The following CREBZF variants were observed in gnomAD, a reference collection of about 807,000 sequenced individuals.
CREBZF encodes HCF-binding transcription factor Zhangfei.
Under a neutral mutation model 21.1 loss-of-function variants are expected in CREBZF, and 8 were observed. The ratio of observed to expected loss-of-function variants is 0.38; its 90% CI spans 0.22 to 0.68. CREBZF has a LOEUF of 0.68. CREBZF is among the 30% of genes least tolerant of loss of function. CREBZF has a pLI of 0.51. For synonymous variants in CREBZF, 270 were observed against 223.3 expected, an observed-to-expected ratio of 1.21 and a Z score of -1.86; for missense variants, 518 against 484.3, an observed-to-expected ratio of 1.07 and a Z score of -0.65.
At position 85,675,688 on chromosome 11, in the gene CREBZF, C is replaced by G. The variant is rs373623986; in HGVS notation, n.147+7029G>C. Among the ~76,000 whole-genome samples the G allele has an allele frequency of 8.8e-4, 134 of 152,074 alleles. 2 individuals are homozygous for G. Among genetic ancestry groups the G allele is most frequent in the African/African-American group, 3.2e-3 (132 of 41,454 alleles). ...TGCTCAACTTATGGTTGCCACAAAC[C>G]TTCGATTTGTAAAAAATGCCATATA... On this transcript the variant is annotated intron_variant and non_coding_transcript_variant, in intron 1 of 3. Coordinates refer to the CREBZF transcript ENST00000531515.
Position 85,664,964 on chromosome 11 carries a change from CCCG to C in CREBZF, c.-92_-90del. ...ATCCCAGGCCCCAGGGCGGGTAGCC[CCCG>C]GCACTGGCCGAAACGAAATGCAGGG... On this transcript the variant is annotated 5_prime_UTR_variant, in exon 1 of 1. Transcript: ENST00000527447. This position sits in a 1 kb window ranked among gnomAD's most constrained non-coding sequence, Gnocchi z 5.5. 2 of 951,274 alleles carry C rather than the reference CCCG, an allele frequency of 2.1e-6. No individual in the cohort carries two copies. The highest frequency in any genetic ancestry group is 2.9e-6 in the Non-Finnish European group (2 of 695,508). The allele number at this position is 951,274 out of a possible 1,614,324, so 58.9% of individuals were successfully genotyped here.
At chr11:85,668,963 C>G (rs1241257009), upstream of CREBZF, among the ~76,000 whole-genome samples, 1 of 127,422 alleles carries the variant, frequency 7.8e-6, no homozygotes. Context: ...GATCGCGCCA[C>G]TGCACTCCAG....
In CREBZF at chr11:85,660,104, T is replaced by C. The variant is rs1327152416; in HGVS notation, c.*3707A>G. 6.5e-6 allele frequency: 1 copy of C among 153,470 alleles called. No homozygotes were observed. Among genetic ancestry groups the C allele is most frequent in the Non-Finnish European group, 1.5e-5 (1 of 68,920 alleles). 9.5% of individuals were successfully genotyped at this position (153,470 alleles called of 1,614,324 possible). The stretch of plus-strand genomic sequence containing the variant: ...TTTATATTCTACTCAGCAGGGTGTC[T>C]GTCTGTACTCCAAATTAGCTCTCAT... On this transcript the variant is annotated 3_prime_UTR_variant, in exon 1 of 1. Coordinates refer to ENST00000527447, the MANE Select transcript of CREBZF (RefSeq NM_001039618.4).
Position 85,664,671 on chromosome 11 carries a change from T to C in CREBZF, c.205A>G (p.Ser69Gly), listed in dbSNP as rs1226336342. ...GCGCGCACGGCCACGCCGCCGCGGC[T>C]CCCCCTCCCGGCTTCCAACTCTCCT... ...DEGELEAGRG[S>G]RGGVAVRAPS... is the part of the protein sequence containing the mutation. Residue 69 changes from serine to glycine, a missense_variant, in exon 1 of 1, where the codon AGC becomes GGC. Around this residue, in one of 3 missense-constraint regions of CREBZF, gnomAD observed 396 missense variants for 324.4 expected, o/e 1.22. Transcript: ENST00000527447. This position sits in a 1 kb window ranked among gnomAD's most constrained non-coding sequence, Gnocchi z 5.5. The C allele has an allele frequency of 6.3e-6, 10 of 1,595,238 alleles. No individual in the cohort carries two copies. Among genetic ancestry groups the C allele is most frequent in the Non-Finnish European group, 8.5e-6 (10 of 1,170,954 alleles).
chr11:85,666,347 C>A (rs2082862575), upstream of CREBZF, among the ~76,000 whole-genome samples: 2 of 151,944 alleles, frequency 1.3e-5, no homozygotes, highest in African/African-American at 2.4e-5. Context: ...AAAAGCAAGG[C>A]CAATAAAAGA....
chr11:85,677,572 T>C (rs972582218), intron 1 of CREBZF, among the ~76,000 whole-genome samples: 5 of 152,226 alleles, frequency 3.3e-5, no homozygotes, highest in African/African-American at 1.2e-4. Flanking sequence ...GGTGTTATTT[T>C]ACTTATCCCA....
intron 1 of CREBZF, among the ~76,000 whole-genome samples, chr11:85,677,209 C>T (rs1031593058): frequency 3.3e-5 from 5 of 152,150 alleles, no homozygotes; most frequent in South Asian, 2.1e-4. Flanking sequence ...AGGTGATCCA[C>T]GCACCTTGGC....
At chr11:85,675,075 G>A (rs2082933762) in intron 1 of CREBZF, among the ~76,000 whole-genome samples, 1 of 152,190 alleles carries the variant, frequency 6.6e-6, no homozygotes, top group African/African-American at 2.4e-5. Context: ...CTTCTATCCA[G>A]ATCACTAAAA....
At chr11:85,666,932 ATGTAT>A (rs2082873299), upstream of CREBZF, among the ~76,000 whole-genome samples, 1 of 152,244 alleles carries the variant, frequency 6.6e-6, no homozygotes, top group East Asian at 1.9e-4. Flanking sequence ...AAGGTGATAT[ATGTAT>A]ACTCTGGCCT....
In CREBZF at chr11:85,662,517, T is replaced by A. The variant is rs2082713973; in HGVS notation, c.*1294A>T. On this transcript the variant is annotated 3_prime_UTR_variant, in exon 1 of 1. Transcript: ENST00000527447. ...GTATATACTTTATCAAGCAGTGATG[T>A]TTCACAAAGAATTTCTTAATGCCTC... is the stretch of plus-strand genomic sequence containing the variant. 7.3e-6 allele frequency: 5 copies of A among 687,748 alleles called. No individual in the cohort carries two copies. 42.6% of individuals were successfully genotyped at this position (687,748 alleles called of 1,614,324 possible).
Position 85,665,116 on chromosome 11 carries a change from C to A in CREBZF, c.-241G>T. On this transcript the variant is annotated 5_prime_UTR_variant, in exon 1 of 1. Transcript: ENST00000527447. Reference sequence around the variant, plus strand: ...CTCGACCGCGCCACCCAGACAACGGCGTAGCCGGAAGTCAGTGGTTTTCGC... The same window carrying A: ...CTCGACCGCGCCACCCAGACAACGGAGTAGCCGGAAGTCAGTGGTTTTCGC... 1 of 415,710 alleles carries A rather than the reference C, an allele frequency of 2.4e-6. No individual in the cohort carries two copies. The highest frequency in any genetic ancestry group is 4.4e-6 in the Non-Finnish European group (1 of 228,388). 25.8% of individuals were successfully genotyped at this position (415,710 alleles called of 1,614,324 possible).
upstream of CREBZF, among the ~76,000 whole-genome samples, chr11:85,665,274 G>C (rs1366836132): frequency 1.3e-5 from 2 of 152,152 alleles, no homozygotes; most frequent in South Asian, 2.1e-4. Flanking sequence ...CAAGTCTCTA[G>C]ATTTATCCAC....
chr11:85,675,873 G>A (rs565521762), intron 1 of CREBZF, among the ~76,000 whole-genome samples: 4 of 152,282 alleles, frequency 2.6e-5, no homozygotes, highest in African/African-American at 9.6e-5. Flanking sequence ...GAAAATTGAA[G>A]AAATCAGGTG....
chr11:85,674,061 C>T (rs927551249), intron 1 of CREBZF, among the ~76,000 whole-genome samples: 1 of 152,202 alleles, frequency 6.6e-6, no homozygotes, highest in Non-Finnish European at 1.5e-5. Flanking sequence ...TCTAAGTCAT[C>T]CATAAAGGAT....
intron 1 of CREBZF, among the ~76,000 whole-genome samples, chr11:85,679,382 A>G (rs1255946591): frequency 1.3e-5 from 2 of 152,226 alleles, no homozygotes; most frequent in African/African-American, 4.8e-5. Flanking sequence ...GTATCCTACC[A>G]CTTAGCATAG....
intron 1 of CREBZF, among the ~76,000 whole-genome samples, chr11:85,676,970 C>CTTTTTTTTTTTTTTTTTTTTT (rs1422368391): frequency 8.4e-6 from 1 of 118,638 alleles, no homozygotes; most frequent in African/African-American, 3.3e-5. Flanking sequence ...CTTTTTCTGT[C>CTTTTTTTTTTTTTTTTTTTTT]TTTTTTTTTT....
At chr11:85,681,072 C>A (rs938791649) in intron 1 of CREBZF, among the ~76,000 whole-genome samples, 4 of 152,182 alleles carry the variant, frequency 2.6e-5, no homozygotes, top group Admixed American at 2.0e-4. Context: ...TGCATATGAC[C>A]CAATTTTGGC....
At chr11:85,679,795 A>T (rs1265155710) in intron 1 of CREBZF, among the ~76,000 whole-genome samples, 1 of 152,260 alleles carries the variant, frequency 6.6e-6, no homozygotes, top group East Asian at 1.9e-4. Context: ...CTGTCAGGCC[A>T]TATTTGGCTT....
At position 85,660,588 on chromosome 11, in the gene CREBZF, C is replaced by T. The variant is rs1565805443; in HGVS notation, c.*3223G>A. 4.4e-6 allele frequency: 2 copies of T among 454,004 alleles called. No individual in the cohort carries two copies. The highest frequency in any genetic ancestry group is 2.0e-5 in the African/African-American group (1 of 49,844). The allele number at this position is 454,004 out of a possible 1,614,324, so 28.1% of individuals were successfully genotyped here. ...GTAGGAAAAGATTCGTTTTTGCAGA[C>T]ACTGCTAAGCTGTTCAAAGAGAAGA... On this transcript the variant is annotated 3_prime_UTR_variant, in exon 1 of 1. Transcript: ENST00000527447.
Sources: allele counts gnomAD v4.1 joint callset (sites outside exome capture counted in the v4.1 genomes callset), GRCh38; gene constraint gnomAD v4.1.1; regional missense constraint gnomAD v4.1.1; non-coding constraint Gnocchi (gnomAD v3.1); transcripts MANE v1.5; gene names NCBI Gene and HGNC (gene_info 2026-07-23, HGNC 2026-07-21).